The following DNAJC14 variants were observed in gnomAD, a reference collection of about 807,000 sequenced individuals.
DNAJC14 encodes the protein dnaJ homolog subfamily C member 14.
Under a neutral mutation model 68.8 loss-of-function variants are expected in DNAJC14, and 12 were observed. That is an observed-to-expected ratio of 0.17 (90% confidence interval 0.11 to 0.28). DNAJC14 has a LOEUF of 0.28. DNAJC14 is among the 10% of genes least tolerant of loss of function. DNAJC14 has a pLI of 1.00. For synonymous variants in DNAJC14, 350 were observed against 321.5 expected (o/e 1.09, Z -0.95); for missense variants, 764 against 875.6 (o/e 0.87, Z 1.61).
chr12:55,825,542 C>CTTTT (rs11375162), intron 2 of DNAJC14, among the ~76,000 whole-genome samples: 5 of 122,032 alleles, frequency 4.1e-5, no homozygotes, highest in Non-Finnish European at 3.2e-5. Flanking sequence ...TGCACACCCT[C>CTTTT]TTTTTTTTTT....
rs564923326 is a variant in DNAJC14 at position 55,827,291 on chromosome 12, A to G, written c.1368T>C (p.Asp456=). The change falls in exon 2 of 7, where the codon GAT becomes GAC. Residue 456 remains aspartate, a synonymous_variant. Coordinates refer to ENST00000678005, the MANE Select transcript of DNAJC14 (RefSeq NM_032364.6). The stretch of plus-strand genomic sequence containing the variant: ...GTCTATAGGCCTTCTTCAGTTCAAC[A>G]TCTGATGCTGTGGCCTCAACCCCCA... The part of the protein sequence containing the change: ...HVLGVEATAS[D]VELKKAYRQL... The G allele has an allele frequency of 6.3e-7, 1 of 1,577,582 alleles. No homozygotes were observed. Among genetic ancestry groups the G allele is most frequent in the East Asian group, 2.2e-5 (1 of 44,478 alleles).
upstream of DNAJC14, chr12:55,829,667 G>A (rs1880920040): frequency 1.1e-6 from 1 of 952,118 alleles, no homozygotes; most frequent in Non-Finnish European, 1.3e-6. Context: ...GAGACGGGAA[G>A]GAAAAGAAAT....
chr12:55,826,172 AGT>A (rs1270584122), intron 2 of DNAJC14, among the ~76,000 whole-genome samples: 2 of 151,118 alleles, frequency 1.3e-5, no homozygotes, highest in Non-Finnish European at 2.9e-5. Context: ...TTTCCAGGTG[AGT>A]GAGTTCTACA....
In DNAJC14 at chr12:55,827,910, G is replaced by T. The variant is rs572417234; in HGVS notation, c.749C>A (p.Ala250Glu). Residue 250 changes from alanine to glutamate, a missense_variant, in exon 2 of 7, where the codon GCA becomes GAA. Around this residue, in one of 4 missense-constraint regions of DNAJC14, gnomAD observed 514 missense variants for 521.7 expected, o/e 0.99. Coordinates refer to ENST00000678005, the MANE Select transcript of DNAJC14 (RefSeq NM_032364.6). ...GAEELCQLGQ[A>E]GFWWLIELLV... ...CAGTTCAATCAGCCACCAAAAGCCTGCCTGTCCAAGTTGACATAGTTCCTC... is the reference window on the plus strand; with the variant it reads ...CAGTTCAATCAGCCACCAAAAGCCTTCCTGTCCAAGTTGACATAGTTCCTC... 5.0e-6 allele frequency: 8 copies of T among 1,607,170 alleles called. No homozygotes were observed. In the African/African-American group the frequency reaches 9.3e-5, roughly 19 times the overall value.
intron 2 of DNAJC14, among the ~76,000 whole-genome samples, chr12:55,826,662 C>T (rs1880802614): frequency 6.6e-6 from 1 of 151,892 alleles, no homozygotes. Flanking sequence ...TAGCCAGGCA[C>T]AGTGGCAGGC....
rs1880910086 is a variant in DNAJC14 at position 55,829,474 on chromosome 12, A to G, written c.-57+15T>C. The G allele has an allele frequency of 7.1e-6, 7 of 984,586 alleles. No individual in the cohort carries two copies. Among genetic ancestry groups the G allele is most frequent in the Non-Finnish European group, 8.4e-6 (7 of 829,834 alleles). 61.0% of individuals were successfully genotyped at this position (984,586 alleles called of 1,614,324 possible). A position where few individuals can be genotyped will look rare whatever the true frequency, so the allele number is the denominator to read the frequency against. ...AAACAAAAAAAAACGAAAAAAAAAA[A>G]AAAGACGGACGTACCGAAGAACGGC... On this transcript the variant is annotated intron_variant, in intron 1 of 6. Coordinates refer to ENST00000678005, the MANE Select transcript of DNAJC14 (RefSeq NM_032364.6).
chr12:55,827,124 G>C, intron 2 of DNAJC14, 128 bp downstream of exon 2: 1 of 963,628 alleles, frequency 1.0e-6, no homozygotes. Flanking sequence ...CCAGGAGGCG[G>C]AGGTTGTAGT....
rs761153651 is a variant in DNAJC14, at chr12:55,828,277, C to G, written c.382G>C (p.Ala128Pro). Reference protein sequence around the residue: ...DGNSFLSIPSACNCQGTPGIP... With the variant: ...DGNSFLSIPSPCNCQGTPGIP... ...CCAGGTGTTCCCTGGCAGTTGCAAGCAGATGGAATGGAAAGAAAAGAGTTC... is the reference window on the plus strand; with the variant it reads ...CCAGGTGTTCCCTGGCAGTTGCAAGGAGATGGAATGGAAAGAAAAGAGTTC... The change falls in exon 2 of 7, where the codon GCT (alanine) becomes CCT (proline). Residue 128 changes from alanine (A) to proline (P), a missense_variant. Transcript: ENST00000678005. The G allele has an allele frequency of 6.2e-7, 1 of 1,606,576 alleles. No individual in the cohort carries two copies. The highest frequency in any genetic ancestry group is 8.5e-7 in the Non-Finnish European group (1 of 1,177,022).
chr12:55,829,543 A>AGCTACGAGAGCCGCTCTCCCG lies in DNAJC14; in HGVS notation c.-132_-112dup. The stretch of plus-strand genomic sequence containing the variant: ...AGCCGCCCGGCCTGGGGCCAGGGTG[A>AGCTACGAGAGCCGCTCTCCCG]GCTACGAGAGCCGCTCTCCCGGCTC... On this transcript the variant is annotated 5_prime_UTR_variant, in exon 1 of 7. Coordinates refer to ENST00000678005, the MANE Select transcript of DNAJC14 (RefSeq NM_032364.6). 1 of 984,318 alleles carries AGCTACGAGAGCCGCTCTCCCG rather than the reference A, an allele frequency of 1.0e-6. No individual in the cohort carries two copies. Among genetic ancestry groups the AGCTACGAGAGCCGCTCTCCCG allele is most frequent in the Non-Finnish European group, 1.2e-6 (1 of 829,832 alleles). 61.0% of individuals were successfully genotyped at this position (984,318 alleles called of 1,614,324 possible). A position where few individuals can be genotyped will look rare whatever the true frequency, so the allele number is the denominator to read the frequency against.
chr12:55,822,529 G>C, intron 5 of DNAJC14, 43 bp downstream of exon 5: 1 of 1,613,852 alleles, frequency 6.2e-7, no homozygotes, highest in Non-Finnish European at 8.5e-7. Flanking sequence ...GCACATAAAA[G>C]ATCAGGAAGT....
In DNAJC14 at chr12:55,822,678, A is replaced by G. The variant is rs1289803649; in HGVS notation, c.1689T>C (p.Asn563=). Reference sequence around the variant, plus strand: ...CTCCTTCCTCAGCAGGATGCAGCCTATTACACTCAGCACAGTATCTGGCAC... The same window carrying G: ...CTCCTTCCTCAGCAGGATGCAGCCTGTTACACTCAGCACAGTATCTGGCAC... The part of the protein sequence containing the change: ...PKSARYCAEC[N]RLHPAEEGDF... Residue 563 remains asparagine, a synonymous_variant, in exon 5 of 7, where the codon AAT becomes AAC. Transcript: ENST00000678005. 1.9e-6 allele frequency: 3 copies of G among 1,614,038 alleles called. No homozygotes were observed. Among genetic ancestry groups the G allele is most frequent in the Non-Finnish European group, 2.5e-6 (3 of 1,180,046 alleles).
rs1880867334 is a variant in DNAJC14 at position 55,828,455 on chromosome 12, G to A, written c.204C>T (p.Ala68=). Residue 68 remains alanine, a synonymous_variant, in exon 2 of 7, where the codon GCC becomes GCT. Transcript: ENST00000678005. ...GGCCATGGCTTGGGTCCAACCAATG[G>A]GCTGGGTTTGGGTGCTGTGTGTGCT... ...GPKHTQHPNP[A]HWLDPSHGPP... is the part of the protein sequence containing the mutation. The A allele has an allele frequency of 1.2e-6, 2 of 1,614,160 alleles. No individual in the cohort carries two copies. Among genetic ancestry groups the A allele is most frequent in the Non-Finnish European group, 1.7e-6 (2 of 1,180,016 alleles).
At position 55,822,087 on chromosome 12, in the gene DNAJC14, G is replaced by A; in HGVS notation, c.1999C>T (p.Pro667Ser). The part of the protein sequence containing the change: ...QMPNGNFFAA[P>S]QPAPGAAAAS... ...GCAGCGGCTCCAGGGGCAGGCTGAG[G>A]AGCTGCAAAGAAGTTCCCATTGGGC... The change falls in exon 7 of 7, where the codon CCT becomes TCT. Residue 667 changes from proline to serine, a missense_variant. Transcript: ENST00000678005. The A allele has an allele frequency of 1.2e-6, 2 of 1,614,118 alleles. No homozygotes were observed. The highest frequency in any genetic ancestry group is 8.5e-7 in the Non-Finnish European group (1 of 1,180,002).
Position 55,827,827 on chromosome 12 carries a change from G to A in DNAJC14, c.832C>T (p.Gln278Ter). ...TCGHLIYACRQLKSSDLDLFR... is the reference protein window; with the variant it reads ...TCGHLIYACR ...AGGTCCAAATCACTGCTTTTCAGTTGCCTGCAGGCATAGATGAGATGGCCA... is the reference window on the plus strand; with the variant it reads ...AGGTCCAAATCACTGCTTTTCAGTTACCTGCAGGCATAGATGAGATGGCCA... Residue 278 changes from glutamine (Q) to a stop codon, truncating the protein, a stop_gained, in exon 2 of 7, where the codon CAA (glutamine) becomes TAA (stop). Transcript: ENST00000678005. LOFTEE classifies it high-confidence loss of function. 1.2e-6 allele frequency: 2 copies of A among 1,613,950 alleles called. No individual in the cohort carries two copies. Among genetic ancestry groups the A allele is most frequent in the Non-Finnish European group, 1.7e-6 (2 of 1,179,898 alleles).
intron 2 of DNAJC14, among the ~76,000 whole-genome samples, chr12:55,825,718 G>A (rs1880777095): frequency 1.3e-5 from 2 of 151,720 alleles, no homozygotes; most frequent in Admixed American, 1.3e-4. Context: ...TAATTTTTTT[G>A]TATTTTTAGT....
chr12:55,824,823 G>A (rs1880751882), intron 2 of DNAJC14, among the ~76,000 whole-genome samples: 1 of 152,048 alleles, frequency 6.6e-6, no homozygotes, highest in Non-Finnish European at 1.5e-5. Context: ...GTAAACAATT[G>A]TTACCCACTC....
upstream of DNAJC14, chr12:55,829,992 C>G (rs1000872070): frequency 6.6e-5 from 10 of 152,350 alleles, no homozygotes; most frequent in African/African-American, 2.2e-4. Context: ...AGTCACTGCC[C>G]TGATCCCTTC....
At position 55,827,498 on chromosome 12, in the gene DNAJC14, C is replaced by G; in HGVS notation, c.1161G>C (p.Trp387Cys). ...CLTLLRDSRP[W>C]QRLVRIVQWG... ...ACTGAACTATTCTTACCAGCCGCTG[C>G]CATGGCCTGCTATCTCTCAGCAGAG... The change falls in exon 2 of 7, where the codon TGG (tryptophan) becomes TGC (cysteine). Residue 387 changes from tryptophan (W) to cysteine (C), a missense_variant. Coordinates refer to ENST00000678005, the MANE Select transcript of DNAJC14 (RefSeq NM_032364.6). 1 of 1,603,598 alleles carries G rather than the reference C, an allele frequency of 6.2e-7. No homozygotes were observed.
At chr12:55,823,893 G>A (rs117236761) in intron 2 of DNAJC14, among the ~76,000 whole-genome samples, 4,168 of 149,190 alleles carry the variant, frequency 0.028, 81 homozygotes, top group Non-Finnish European at 0.044. Flanking sequence ...TAGTGGAGAC[G>A]GGGTTTCATC....
Sources: gnomAD v4.1 joint callset for allele counts (sites outside exome capture counted in the v4.1 genomes callset) on GRCh38, gnomAD v4.1.1 for gene constraint, gnomAD v4.1.1 regional missense constraint, MANE v1.5 for transcripts, NCBI Gene and HGNC (gene_info 2026-07-23, HGNC 2026-07-21) for gene names.